BPIFA2: variants seen among roughly 807,000 people sequenced by gnomAD.
BPIFA2 encodes the protein BPI fold-containing family A member 2.
In BPIFA2, 20 loss-of-function variants were observed where a neutral mutation model predicts 25.7. That is an observed-to-expected ratio of 0.78 (90% confidence interval 0.55 to 1.13). The LOEUF (loss-of-function observed/expected upper bound fraction) is 1.13, where lower values mean the gene tolerates loss of function less well. Ranked by LOEUF, BPIFA2 falls within the 50% of genes most tolerant of loss-of-function variation. The pLI is 0.00. For synonymous variants in BPIFA2, 126 were observed against 124.3 expected (o/e 1.01, Z -0.09); for missense variants, 300 against 298.1 (o/e 1.01, Z -0.05).
At chr20:33,180,769 A>C (rs1438349442) in intron 8 of BPIFA2, among the ~76,000 whole-genome samples, 172 bp downstream of exon 8, 1 of 152,170 alleles carries the variant, frequency 6.6e-6, no homozygotes, top group Non-Finnish European at 1.5e-5. Flanking sequence ...CTGAACACTG[A>C]GCCTTAATCA....
chr20:33,175,716 C>T (rs1296934726), intron 5 of BPIFA2, among the ~76,000 whole-genome samples, 157 bp downstream of exon 5: 1 of 152,182 alleles, frequency 6.6e-6, no homozygotes, highest in Admixed American at 6.5e-5. Context: ...CTGCCACTAA[C>T]TTGTAACTTT....
intron 1 of BPIFA2, 54 bp from the exon 2 acceptor site, chr20:33,169,077 G>A: frequency 7.0e-7 from 1 of 1,421,644 alleles, no homozygotes; most frequent in East Asian, 2.3e-5. Flanking sequence ...ACTCACTGAA[G>A]AGTCCATTTC....
chr20:33,166,691 C>T (rs1983736264), upstream of BPIFA2, among the ~76,000 whole-genome samples: 2 of 152,178 alleles, frequency 1.3e-5, no homozygotes, highest in South Asian at 4.1e-4. Flanking sequence ...CTCAAAGCCC[C>T]TCACCATCGT....
rs1983819554 is a variant in BPIFA2, at chr20:33,169,225, A to G, written c.80A>G (p.Asn27Ser). The change falls in exon 2 of 9, where the codon AAT (asparagine) becomes AGT (serine). Residue 27 changes from asparagine (N) to serine (S), a missense_variant. Transcript: ENST00000354932. ...GAGTCTCTTCTTGACAATCTTGGCA[A>G]TGACCTAAGCAATGTCGTGGATAAG... The part of the protein sequence containing the change: ...TSESLLDNLG[N>S]DLSNVVDKLE... 4 of 1,613,966 alleles carry G rather than the reference A, an allele frequency of 2.5e-6. No homozygotes were observed. Among genetic ancestry groups the G allele is most frequent in the Admixed American group, 1.7e-5 (1 of 60,008 alleles).
At chr20:33,174,025 T>C in intron 3 of BPIFA2, 54 bp from the exon 4 acceptor site, 1 of 1,481,578 alleles carries the variant, frequency 6.7e-7, no homozygotes, top group Non-Finnish European at 9.4e-7. Context: ...AGGGAAGTGG[T>C]TGGCAAGTGG....
chr20:33,172,877 A>G, intron 2 of BPIFA2, 55 bp from the exon 3 acceptor site: 1 of 1,583,904 alleles, frequency 6.3e-7, no homozygotes, highest in East Asian at 2.3e-5. Context: ...TACCTGGAGC[A>G]TCGTAGCTAC....
chr20:33,180,096 G>A (rs950763428), intron 7 of BPIFA2, among the ~76,000 whole-genome samples: 7 of 151,990 alleles, frequency 4.6e-5, no homozygotes, highest in African/African-American at 1.7e-4. Context: ...CATCCACCTG[G>A]AGTCCCAGCT....
upstream of BPIFA2, among the ~76,000 whole-genome samples, chr20:33,167,002 G>C (rs994056045): frequency 3.3e-5 from 5 of 152,214 alleles, no homozygotes; most frequent in Non-Finnish European, 5.9e-5. Flanking sequence ...CCACAGGCAA[G>C]ACTGCAGCAG....
chr20:33,171,914 T>A (rs1198015469), intron 2 of BPIFA2, among the ~76,000 whole-genome samples: 1 of 152,160 alleles, frequency 6.6e-6, no homozygotes, highest in African/African-American at 2.4e-5. Flanking sequence ...ATATAAAACA[T>A]TCTACTATAA....
At chr20:33,164,543 T>G (rs991304157), upstream of BPIFA2, among the ~76,000 whole-genome samples, 1 of 151,720 alleles carries the variant, frequency 6.6e-6, no homozygotes, top group Non-Finnish European at 1.5e-5. Context: ...TTCTTCTCTC[T>G]CCACATCCCC....
At position 33,175,443 on chromosome 20, in the gene BPIFA2, C is replaced by CTT; in HGVS notation, c.448_449dup (p.Leu150PhefsTer5). On this transcript the variant is annotated frameshift_variant, in exon 5 of 9. Coordinates refer to ENST00000354932, the MANE Select transcript of BPIFA2 (RefSeq NM_080574.4). LOFTEE classifies it high-confidence loss of function. ...GCCAGATTATCAACCTGAAAGCCTC[C>CTT]TTGGACCTCCTGACCGCAGTCACAA... 1 of 1,614,062 alleles carries CTT rather than the reference C, an allele frequency of 6.2e-7. No homozygotes were observed. The highest frequency in any genetic ancestry group is 8.5e-7 in the Non-Finnish European group (1 of 1,179,932).
upstream of BPIFA2, among the ~76,000 whole-genome samples, chr20:33,166,320 T>C (rs1983722885): frequency 6.6e-6 from 1 of 152,142 alleles, no homozygotes; most frequent in Admixed American, 6.6e-5. Flanking sequence ...CCTGGCCAGA[T>C]GGTCCTCATT....
chr20:33,166,101 C>T (rs533674099), upstream of BPIFA2, among the ~76,000 whole-genome samples: 4 of 152,284 alleles, frequency 2.6e-5, no homozygotes, highest in South Asian at 6.2e-4. Flanking sequence ...ACTGCAACAT[C>T]CACCCCCTGG....
At chr20:33,178,012 T>C (rs1288790509) in intron 5 of BPIFA2, 135 bp from the exon 6 acceptor site, 5 of 587,304 alleles carry the variant, frequency 8.5e-6, no homozygotes, top group Non-Finnish European at 1.2e-5. Flanking sequence ...TGGGAGGCTC[T>C]GTCTGTTAAA....
intron 1 of BPIFA2, 74 bp downstream of exon 1, chr20:33,168,283 G>T: frequency 6.6e-6 from 1 of 152,372 alleles, no homozygotes. Context: ...GAGGCAGAGG[G>T]GTGGGATTGC....
upstream of BPIFA2, among the ~76,000 whole-genome samples, chr20:33,165,294 G>A (rs6057737): frequency 5.1e-4 from 78 of 152,326 alleles, no homozygotes; most frequent in African/African-American, 1.7e-3. Context: ...TGGATGATTC[G>A]TACTTGACTG....
intron 1 of BPIFA2, among the ~76,000 whole-genome samples, chr20:33,168,813 A>C (rs1983802259): frequency 6.6e-6 from 1 of 152,226 alleles, no homozygotes; most frequent in Non-Finnish European, 1.5e-5. Context: ...GGCATGATGT[A>C]GGAATTGACC....
upstream of BPIFA2, among the ~76,000 whole-genome samples, chr20:33,163,647 C>G (rs1850821362): frequency 2.6e-5 from 4 of 152,154 alleles, no homozygotes; most frequent in African/African-American, 9.7e-5. Context: ...AAAGGTAAAA[C>G]CCCGTCTCTA....
intron 3 of BPIFA2, 124 bp from the exon 4 acceptor site, chr20:33,173,955 T>C (rs1037872732): frequency 2.8e-6 from 2 of 720,548 alleles, no homozygotes; most frequent in South Asian, 1.6e-5. Context: ...AACAGGGCTA[T>C]AGTGAAGACT....
Sources: allele counts gnomAD v4.1 joint callset (sites outside exome capture counted in the v4.1 genomes callset), GRCh38; gene constraint gnomAD v4.1.1; transcripts MANE v1.5; gene names NCBI Gene and HGNC (gene_info 2026-07-23, HGNC 2026-07-21).